Variants in SYNPR observed in about 807,000 individuals in gnomAD.
SYNPR encodes the protein synaptoporin.
A neutral mutation model predicts 32.9 loss-of-function variants in SYNPR; 23 were observed. The observed-to-expected ratio is 0.70, with a 90% CI of 0.50 to 0.99. SYNPR has a LOEUF of 0.99. SYNPR is among the 50% of genes least tolerant of loss of function. The pLI is 0.00. For synonymous variants in SYNPR, 146 were observed against 135.9 expected (o/e 1.07, Z -0.52); for missense variants, 318 against 349.3 (o/e 0.91, Z 0.71).
intron 3 of SYNPR, among the ~76,000 whole-genome samples, chr3:63,493,081 T>C (rs890963329): frequency 7.2e-5 from 11 of 152,100 alleles, no homozygotes; most frequent in Non-Finnish European, 1.6e-4. Flanking sequence ...TGTTAGGACA[T>C]GCTTTGCGTC....
At chr3:63,238,866 G>A (rs1232134565) in intron 1 of SYNPR, among the ~76,000 whole-genome samples, 1 of 152,070 alleles carries the variant, frequency 6.6e-6, no homozygotes, top group Non-Finnish European at 1.5e-5. Flanking sequence ...CGGTATAACT[G>A]TATCTTGGAG....
intron 3 of SYNPR, among the ~76,000 whole-genome samples, chr3:63,543,715 G>T (rs1248953264): frequency 6.6e-6 from 1 of 152,006 alleles, no homozygotes; most frequent in Non-Finnish European, 1.5e-5. Context: ...TGTCCAAATT[G>T]GGGTAATTTA....
chr3:63,451,946 C>T (rs1378845770), intron 2 of SYNPR: 1 of 595,856 alleles, frequency 1.7e-6, no homozygotes, highest in African/African-American at 1.9e-5. Context: ...CACCTCTTCA[C>T]TCTGAGTGGT....
the SYNPR span, among the ~76,000 whole-genome samples, chr3:63,209,972 T>C: frequency 6.6e-6 from 1 of 152,184 alleles, no homozygotes; most frequent in Non-Finnish European, 1.5e-5. Context: ...TAGACTGTAT[T>C]TTGTAATTAA....
At chr3:63,580,065 C>G (rs771165122) in intron 4 of SYNPR, among the ~76,000 whole-genome samples, 2 of 152,086 alleles carry the variant, frequency 1.3e-5, no homozygotes, top group Non-Finnish European at 2.9e-5. Flanking sequence ...AATTCATCCT[C>G]GCAGCCATTT....
chr3:63,300,301 T>G (rs2086830536), intron 2 of SYNPR, among the ~76,000 whole-genome samples: 1 of 141,412 alleles, frequency 7.1e-6, no homozygotes, highest in Admixed American at 7.1e-5. Context: ...TATTCTGAGT[T>G]CTGAGTGTGA....
In SYNPR at chr3:63,243,870, AAAAAAC is replaced by A. The variant is rs1169171217; in HGVS notation, n.67-8612_67-8607del. Reference sequence around the variant, plus strand: ...TTGAGTTAAAGGAGCTGTGGAATAAAAAAAACAAAAACAAAAACAAAACAAAAAAAC... The same window carrying A: ...TTGAGTTAAAGGAGCTGTGGAATAAAAAAAACAAAAACAAAACAAAAAAAC... On this transcript the variant is annotated intron_variant and non_coding_transcript_variant, in intron 1 of 4. Coordinates refer to the SYNPR transcript ENST00000478456. Among the ~76,000 whole-genome samples, 16 of 152,166 alleles carry A rather than the reference AAAAAAC, an allele frequency of 1.1e-4. 1 individual carries two copies. The South Asian group carries it at 3.3e-3, about 32-fold the overall frequency.
intron 3 of SYNPR, among the ~76,000 whole-genome samples, chr3:63,509,795 G>C (rs529851524): frequency 6.6e-6 from 1 of 152,004 alleles, no homozygotes; most frequent in Admixed American, 6.6e-5. Flanking sequence ...AACTTAGCAT[G>C]GTATCTTGAA....
chr3:63,210,805 CT>C, the SYNPR span, among the ~76,000 whole-genome samples: 1,489 of 145,516 alleles, frequency 0.01, 21 homozygotes, highest in African/African-American at 0.038. Flanking sequence ...CCCTTCCTTC[CT>C]TCCTTCCTTC....
intron 2 of SYNPR, among the ~76,000 whole-genome samples, chr3:63,429,739 C>A (rs939896379): frequency 2.6e-5 from 4 of 152,220 alleles, no homozygotes; most frequent in Non-Finnish European, 5.9e-5. Context: ...TGAAGCAGAG[C>A]AGGGTTTCTT....
At chr3:63,470,974 A>G (rs889493573) in intron 2 of SYNPR, among the ~76,000 whole-genome samples, 6 of 152,230 alleles carry the variant, frequency 3.9e-5, no homozygotes, top group African/African-American at 1.4e-4. Context: ...CATGTGGTGC[A>G]GTCCCCAGAC....
At chr3:63,370,497 T>C (rs1439875844) in intron 2 of SYNPR, among the ~76,000 whole-genome samples, 1 of 152,218 alleles carries the variant, frequency 6.6e-6, no homozygotes, top group African/African-American at 2.4e-5. Context: ...CTTACTTCTG[T>C]AGATGTCTGA....
chr3:63,231,674 T>C (rs1205332843), intron 1 of SYNPR, among the ~76,000 whole-genome samples: 2 of 152,118 alleles, frequency 1.3e-5, no homozygotes, highest in Non-Finnish European at 2.9e-5. Flanking sequence ...GCAGTCAGCA[T>C]CCTTCTAAGA....
At chr3:63,408,302 AGG>A (rs1332932323) in intron 2 of SYNPR, among the ~76,000 whole-genome samples, 68 of 104,282 alleles carry the variant, frequency 6.5e-4, no homozygotes, top group African/African-American at 3.0e-3. Flanking sequence ...GAAGGAAGGA[AGG>A]AAGGAAGGAA....
intron 2 of SYNPR, among the ~76,000 whole-genome samples, chr3:63,364,655 C>G (rs1350884105): frequency 1.3e-5 from 2 of 152,176 alleles, no homozygotes; most frequent in Non-Finnish European, 2.9e-5. Context: ...TGTTGATGGT[C>G]TCTGTCCTTG....
At chr3:63,335,942 A>C (rs2087288043) in intron 2 of SYNPR, among the ~76,000 whole-genome samples, 1 of 151,886 alleles carries the variant, frequency 6.6e-6, no homozygotes, top group African/African-American at 2.4e-5. Context: ...ACACCCAGCT[A>C]ATTTTGTATT....
intron 3 of SYNPR, among the ~76,000 whole-genome samples, chr3:63,513,365 T>C (rs918150481): frequency 6.6e-6 from 1 of 152,042 alleles, no homozygotes; most frequent in African/African-American, 2.4e-5. Context: ...TTAAAATGAA[T>C]TTGTAACTTA....
In SYNPR at chr3:63,516,341, TAGAG is replaced by T. The variant is rs1205450465; in HGVS notation, c.209+35388_209+35391del. ...TTTGGAAATGCCAAAGTTGGATTCT[TAGAG>T]AGGTTCTATAGAATACTCAGGAGCT... On this transcript the variant is annotated intron_variant, in intron 3 of 5. Transcript: ENST00000478300. Among the ~76,000 whole-genome samples, 3 of 152,118 alleles carry T rather than the reference TAGAG, an allele frequency of 2.0e-5. No homozygotes were observed. The East Asian group carries it at 5.8e-4, about 29-fold the overall frequency.
chr3:63,264,426 T>C (rs1339362051), intron 2 of SYNPR, among the ~76,000 whole-genome samples: 1 of 152,070 alleles, frequency 6.6e-6, no homozygotes, highest in African/African-American at 2.4e-5. Context: ...GAGATGCACA[T>C]ATCTATTAAG....
Sources: gnomAD v4.1 joint callset for allele counts (sites outside exome capture counted in the v4.1 genomes callset) on GRCh38, gnomAD v4.1.1 for gene constraint, MANE v1.5 for transcripts, NCBI Gene and HGNC (gene_info 2026-07-23, HGNC 2026-07-21) for gene names.